Variants in CYFIP1 observed in about 807,000 individuals in gnomAD.
CYFIP1 encodes the protein cytoplasmic FMR1 interacting protein 1, also known as cytoplasmic FMR1-interacting protein 1.
A neutral mutation model predicts 163.5 loss-of-function variants in CYFIP1; 58 were observed. The observed-to-expected ratio is 0.35, with a 90% CI of 0.29 to 0.44. CYFIP1 has a LOEUF of 0.44. Ranked by LOEUF, CYFIP1 falls within the 20% of genes least tolerant of loss-of-function variation. The pLI is 1.00. For missense variants in CYFIP1, 1,338 were observed against 1,653.8 expected, an observed-to-expected ratio of 0.81 and a Z score of 3.31; for synonymous variants, 663 against 660.7, an observed-to-expected ratio of 1.00 and a Z score of -0.05.
chr15:22,894,061 C>T (rs2060154585), intron 22 of CYFIP1, among the ~76,000 whole-genome samples: 1 of 152,096 alleles, frequency 6.6e-6, no homozygotes, highest in Non-Finnish European at 1.5e-5. Context: ...ACACCCTTGA[C>T]AGCAGCACAC....
intron 1 of CYFIP1, among the ~76,000 whole-genome samples, chr15:22,961,016 ATTT>A (rs1193011779): frequency 6.6e-6 from 1 of 151,558 alleles, no homozygotes; most frequent in Non-Finnish European, 1.5e-5. Flanking sequence ...TTATTTATTT[ATTT>A]ATTTATATTT....
chr15:22,920,290 G>A (rs376987541), intron 13 of CYFIP1, among the ~76,000 whole-genome samples: 82 of 149,364 alleles, frequency 5.5e-4, no homozygotes, highest in African/African-American at 1.8e-3. Flanking sequence ...TCAGCCTCCT[G>A]GGTAACTAGT....
chr15:22,969,983 T>C (rs764878747), intron 1 of CYFIP1, among the ~76,000 whole-genome samples: 71 of 152,316 alleles, frequency 4.7e-4, no homozygotes, highest in Admixed American at 3.9e-4. Flanking sequence ...TGATTTTATA[T>C]GTAGTAAATC....
At chr15:22,946,665 C>A (rs1459440245) in intron 3 of CYFIP1, 2 of 413,256 alleles carry the variant, frequency 4.8e-6, no homozygotes, top group Non-Finnish European at 9.2e-6. Flanking sequence ...ACTATAATAA[C>A]AATGCAATTC....
At chr15:22,874,731 G>A in intron 27 of CYFIP1, 87 bp from the exon 28 acceptor site, 1 of 865,836 alleles carries the variant, frequency 1.2e-6, no homozygotes, top group Non-Finnish European at 1.6e-6. Context: ...AAAAACAAAA[G>A]ATTTTTAAGT....
chr15:22,888,129 G>A (rs964335065), intron 23 of CYFIP1, among the ~76,000 whole-genome samples: 1 of 152,096 alleles, frequency 6.6e-6, no homozygotes, highest in African/African-American at 2.4e-5. Flanking sequence ...TGCATAAATG[G>A]GTCCCTCATC....
Position 22,881,834 on chromosome 15 carries a change from G to C in CYFIP1, c.2911+12C>G. ...ACAGACAGCACTGTGAGCTCCACACGCCCGCACTCACCAGGAGAGCCGTAC... is the reference window on the plus strand; with the variant it reads ...ACAGACAGCACTGTGAGCTCCACACCCCCGCACTCACCAGGAGAGCCGTAC... On this transcript the variant is annotated intron_variant, in intron 25 of 30. Transcript: ENST00000617928. The C allele has an allele frequency of 1.2e-6, 2 of 1,607,508 alleles. No homozygotes were observed. The highest frequency in any genetic ancestry group is 8.5e-7 in the Non-Finnish European group (1 of 1,178,904).
chr15:22,966,147 G>A (rs2062894435), intron 1 of CYFIP1, among the ~76,000 whole-genome samples: 2 of 151,638 alleles, frequency 1.3e-5, no homozygotes, highest in East Asian at 1.9e-4. Flanking sequence ...TCAGGAGTTC[G>A]AGACCAGCCT....
chr15:22,958,945 C>T lies in CYFIP1; in HGVS notation c.-6-11654G>A, dbSNP rs145498527. On this transcript the variant is annotated intron_variant, in intron 1 of 30. Coordinates refer to ENST00000617928, the MANE Select transcript of CYFIP1 (RefSeq NM_014608.6). Reference sequence around the variant, plus strand: ...GTATTCCACAGAATAAAGTCTCAATCGCTCATAGAACACCCAAGGGCCTCC... The same window carrying T: ...GTATTCCACAGAATAAAGTCTCAATTGCTCATAGAACACCCAAGGGCCTCC... Among the ~76,000 whole-genome samples the T allele has an allele frequency of 4.5e-4, 68 of 152,328 alleles. 1 individual carries two copies. Among genetic ancestry groups the T allele is most frequent in the Non-Finnish European group, 6.8e-4 (46 of 68,026 alleles).
chr15:22,869,498 G>A lies in CYFIP1; in HGVS notation c.*530C>T, dbSNP rs11636154. On this transcript the variant is annotated 3_prime_UTR_variant, in exon 31 of 31. Transcript: ENST00000617928. ...ATTAGTTTTATTTCTATAACCTTTC[G>A]ATCTGATGTCACGTTAGATTTTGTC... 7.5e-3 allele frequency: 1,142 copies of A among 152,324 alleles called. 8 individuals are homozygous for A. Among genetic ancestry groups the A allele is most frequent in the Non-Finnish European group, 0.011 (745 of 68,098 alleles). The allele number at this position is 152,324 out of a possible 1,614,324, so 9.4% of individuals were successfully genotyped here. A position where few individuals can be genotyped will look rare whatever the true frequency, so the allele number is the denominator to read the frequency against.
At chr15:22,971,068 T>C (rs895882607) in intron 1 of CYFIP1, among the ~76,000 whole-genome samples, 10 of 151,772 alleles carry the variant, frequency 6.6e-5, no homozygotes, top group African/African-American at 2.4e-4. Flanking sequence ...AGAGCAAGGA[T>C]CTGTCTCGAA....
rs114035238 is a variant in CYFIP1, at chr15:22,871,017, G to C, written c.3598-825C>G. 4.7e-3 allele frequency among the ~76,000 whole-genome samples: 713 copies of C among 152,342 alleles called. 5 individuals carry two copies. The highest frequency in any genetic ancestry group is 0.016 in the African/African-American group (671 of 41,566). On this transcript the variant is annotated intron_variant, in intron 30 of 30. Coordinates refer to ENST00000617928, the MANE Select transcript of CYFIP1 (RefSeq NM_014608.6). Reference sequence around the variant, plus strand: ...TCAGGGGCAGATGCCAACAGCGGCGGTGGGGTGAGGAGCAGCCCGGGCGTA... The same window carrying C: ...TCAGGGGCAGATGCCAACAGCGGCGCTGGGGTGAGGAGCAGCCCGGGCGTA...
At position 22,947,104 on chromosome 15, in the gene CYFIP1, G is replaced by A. The variant is rs754204799; in HGVS notation, c.118-12C>T. The A allele has an allele frequency of 1.7e-5, 28 of 1,613,990 alleles. No homozygotes were observed. Among genetic ancestry groups the A allele is most frequent in the Admixed American group, 1.7e-5 (1 of 60,014 alleles). ...GTGTTGAAATTTGGCTGAAGGAAAGGAAGAGAAAAACATCATGTGGGGTCG... is the reference window on the plus strand; with the variant it reads ...GTGTTGAAATTTGGCTGAAGGAAAGAAAGAGAAAAACATCATGTGGGGTCG... On this transcript the variant is annotated splice_polypyrimidine_tract_variant and intron_variant, in intron 2 of 30. Coordinates refer to ENST00000617928, the MANE Select transcript of CYFIP1 (RefSeq NM_014608.6).
chr15:22,932,123 G>T (rs2061557952), intron 11 of CYFIP1, 100 bp downstream of exon 11: 2 of 760,300 alleles, frequency 2.6e-6, no homozygotes, highest in Non-Finnish European at 4.4e-6. Context: ...ATCGTATCTG[G>T]TAGTAAACTG....
intron 22 of CYFIP1, among the ~76,000 whole-genome samples, chr15:22,897,189 G>A (rs2060264011): frequency 6.6e-6 from 1 of 152,050 alleles, no homozygotes; most frequent in African/African-American, 2.4e-5. Context: ...CTCTAGCCTG[G>A]GCAACAAGAG....
At chr15:22,915,315 G>A (rs2060935938) in intron 16 of CYFIP1, among the ~76,000 whole-genome samples, 1 of 151,948 alleles carries the variant, frequency 6.6e-6, no homozygotes, top group South Asian at 2.1e-4. Context: ...ATAGAGATGG[G>A]GGTCTCGCCA....
At chr15:22,881,102 G>A (rs1005287063) in intron 25 of CYFIP1, among the ~76,000 whole-genome samples, 1 of 152,152 alleles carries the variant, frequency 6.6e-6, no homozygotes, top group Non-Finnish European at 1.5e-5. Flanking sequence ...TCAAACACCA[G>A]CAACAGCCCT....
chr15:22,901,436 C>G (rs2060389233), intron 22 of CYFIP1, among the ~76,000 whole-genome samples: 1 of 152,196 alleles, frequency 6.6e-6, no homozygotes, highest in Non-Finnish European at 1.5e-5. Flanking sequence ...ACCCCAGGGA[C>G]AGAAGTCACC....
rs2059188091 is a variant in CYFIP1 at position 22,867,492 on chromosome 15, C to T, written c.*2536G>A. 2 of 300,468 alleles carry T rather than the reference C, an allele frequency of 6.7e-6. No individual in the cohort carries two copies. The highest frequency in any genetic ancestry group is 1.2e-5 in the Non-Finnish European group (2 of 165,668). The allele number at this position is 300,468 out of a possible 1,614,324, so 18.6% of individuals were successfully genotyped here. ...GCATTCGATGGCCTTAGCACCTCATCAAGCCAGCACATCCTGCCTGCTGTT... is the reference window on the plus strand; with the variant it reads ...GCATTCGATGGCCTTAGCACCTCATTAAGCCAGCACATCCTGCCTGCTGTT... On this transcript the variant is annotated 3_prime_UTR_variant, in exon 31 of 31. Transcript: ENST00000617928.
Sources: allele counts gnomAD v4.1 joint callset (sites outside exome capture counted in the v4.1 genomes callset), GRCh38; gene constraint gnomAD v4.1.1; transcripts MANE v1.5; gene names NCBI Gene and HGNC (gene_info 2026-07-23, HGNC 2026-07-21).